The following SREBF2 variants were observed in gnomAD, a reference collection of about 807,000 sequenced individuals.
SREBF2 encodes sterol regulatory element binding transcription factor 2, also known as sterol regulatory element-binding protein 2.
SREBF2 carries 55 observed loss-of-function variants against 113.1 expected under a neutral mutation model. That is an observed-to-expected ratio of 0.49 (90% confidence interval 0.39 to 0.61). The LOEUF (loss-of-function observed/expected upper bound fraction) is 0.61. Ranked by LOEUF, SREBF2 falls within the 20% of genes least tolerant of loss-of-function variation. The probability of loss-of-function intolerance (pLI) is 0.00; values close to 1 mark genes in which losing one functional copy is unlikely to be tolerated. For synonymous variants in SREBF2, 593 were observed against 605.7 expected, an observed-to-expected ratio of 0.98 and a Z score of 0.31; for missense variants, 1,349 against 1,487.4, an observed-to-expected ratio of 0.91 and a Z score of 1.53.
chr22:41,888,127 G>A (rs2077316589), intron 11 of SREBF2, among the ~76,000 whole-genome samples: 1 of 152,202 alleles, frequency 6.6e-6, no homozygotes, highest in African/African-American at 2.4e-5. Flanking sequence ...GAGAGCACAA[G>A]CTCTTAATTT....
At chr22:41,881,122 C>T (rs2077241730) in intron 10 of SREBF2, 130 bp downstream of exon 10, 2 of 1,243,674 alleles carry the variant, frequency 1.6e-6, no homozygotes, top group Non-Finnish European at 2.2e-6. Flanking sequence ...AGTGGCTAGA[C>T]CAAGCTTCTA....
chr22:41,833,145 G>A lies in SREBF2; in HGVS notation c.-126G>A, dbSNP rs1402321861. ...CCGGGCGCAACGCAAACATGGCGGC[G>A]GGTGGCACCCGTCGGTGAGGCGGTG... On this transcript the variant is annotated 5_prime_UTR_variant, in exon 1 of 19. Coordinates refer to ENST00000361204, the MANE Select transcript of SREBF2 (RefSeq NM_004599.4). The surrounding 1 kb of genome is among the most constrained non-coding windows in gnomAD (Gnocchi z 4.1). 3 of 656,840 alleles carry A rather than the reference G, an allele frequency of 4.6e-6. No individual in the cohort carries two copies. Among genetic ancestry groups the A allele is most frequent in the Non-Finnish European group, 7.0e-6 (3 of 428,850 alleles). 40.7% of individuals were successfully genotyped at this position (656,840 alleles called of 1,614,324 possible). A position where few individuals can be genotyped will look rare whatever the true frequency, so the allele number is the denominator to read the frequency against.
intron 2 of SREBF2, among the ~76,000 whole-genome samples, chr22:41,868,367 C>T (rs1378500814): frequency 6.6e-6 from 1 of 152,166 alleles, no homozygotes; most frequent in African/African-American, 2.4e-5. Context: ...ATTAGCTTCC[C>T]TTTCCCCCAC....
chr22:41,842,457 G>A (rs2076839131), intron 1 of SREBF2, among the ~76,000 whole-genome samples: 1 of 152,122 alleles, frequency 6.6e-6, no homozygotes, highest in African/African-American at 2.4e-5. Flanking sequence ...TTTCACTGCT[G>A]CATGGTTTTC....
chr22:41,867,424 A>G (rs1236121475), intron 2 of SREBF2, 144 bp downstream of exon 2: 2 of 862,600 alleles, frequency 2.3e-6, no homozygotes, highest in Non-Finnish European at 3.8e-6. Flanking sequence ...GGTAACTGGC[A>G]ATAAGAACTG....
chr22:41,896,490 G>C (rs980196754), intron 13 of SREBF2, among the ~76,000 whole-genome samples: 1 of 152,148 alleles, frequency 6.6e-6, no homozygotes, highest in Non-Finnish European at 1.5e-5. Context: ...CTCCCAAGTA[G>C]CTGGAATTAC....
chr22:41,848,704 G>A (rs748281927), intron 1 of SREBF2, among the ~76,000 whole-genome samples: 1 of 152,160 alleles, frequency 6.6e-6, no homozygotes, highest in East Asian at 1.9e-4. Context: ...AGAGGAAGGA[G>A]TAAGGCTCCT....
chr22:41,868,662 T>TC lies in SREBF2; in HGVS notation c.591dup (p.Thr198HisfsTer117). ...GTGACATCCTCCCAGGTACAGCCGGTCACCATTCAGCAGCAGGTGCAGACA... is the reference window on the plus strand; with the variant it reads ...GTGACATCCTCCCAGGTACAGCCGGTCCACCATTCAGCAGCAGGTGCAGACA... On this transcript the variant is annotated frameshift_variant, in exon 3 of 19. Transcript: ENST00000361204. LOFTEE classifies it high-confidence loss of function. 6.2e-7 allele frequency: 1 copy of TC among 1,614,198 alleles called. No homozygotes were observed. The highest frequency in any genetic ancestry group is 8.5e-7 in the Non-Finnish European group (1 of 1,180,032).
intron 13 of SREBF2, 127 bp from the exon 14 acceptor site, chr22:41,896,925 C>G: frequency 1.4e-6 from 1 of 692,218 alleles, no homozygotes; most frequent in Non-Finnish European, 2.6e-6. Flanking sequence ...TTGCGTGTGC[C>G]TGGGATGACA....
At chr22:41,880,350 G>A (rs1368918173) in intron 9 of SREBF2, among the ~76,000 whole-genome samples, 3 of 143,006 alleles carry the variant, frequency 2.1e-5, no homozygotes, top group East Asian at 2.0e-4. Context: ...TCAGGAGTTC[G>A]AGACCAGCCT....
In SREBF2 at chr22:41,833,431, C is replaced by G. The variant is rs2076732900; in HGVS notation, c.88+73C>G. 2 of 1,343,694 alleles carry G rather than the reference C, an allele frequency of 1.5e-6. No individual in the cohort carries two copies. Among genetic ancestry groups the G allele is most frequent in the Non-Finnish European group, 2.0e-6 (2 of 980,604 alleles). The allele number at this position is 1,343,694 out of a possible 1,614,324, so 83.2% of individuals were successfully genotyped here. A position where few individuals can be genotyped will look rare whatever the true frequency, so the allele number is the denominator to read the frequency against. On this transcript the variant is annotated intron_variant, in intron 1 of 18. Transcript: ENST00000361204. The surrounding 1 kb of genome is among the most constrained non-coding windows in gnomAD (Gnocchi z 4.1). ...GGTTACGGCGGCGCGCCCGGGTGCG[C>G]GTGCGCCCACCCCCCGACAGCCCCG...
intron 1 of SREBF2, among the ~76,000 whole-genome samples, chr22:41,858,715 C>G (rs2076998698): frequency 6.6e-6 from 1 of 152,112 alleles, no homozygotes; most frequent in South Asian, 2.1e-4. Flanking sequence ...TCACTGCACT[C>G]CAGCCTGGGT....
chr22:41,904,851 G>A lies in SREBF2; in HGVS notation c.3094-12G>A, dbSNP rs1448900087. On this transcript the variant is annotated splice_polypyrimidine_tract_variant and intron_variant, in intron 17 of 18. Coordinates refer to ENST00000361204, the MANE Select transcript of SREBF2 (RefSeq NM_004599.4). ...CAGGGGTGTGATGGATGTCACCCCG[G>A]CACCTCCCCAGGTGTTCCTGCATGA... 1.3e-6 allele frequency: 2 copies of A among 1,573,688 alleles called. No individual in the cohort carries two copies. The highest frequency in any genetic ancestry group is 8.6e-7 in the Non-Finnish European group (1 of 1,160,532).
chr22:41,877,443 C>G (rs1418220794), intron 8 of SREBF2, 22 bp downstream of exon 8: 4 of 1,612,920 alleles, frequency 2.5e-6, no homozygotes, highest in South Asian at 1.1e-5. Flanking sequence ...CCCCTTGCCC[C>G]ACCTGGGCAT....
chr22:41,903,265 A>C (rs2077480327), intron 17 of SREBF2, 110 bp downstream of exon 17: 2 of 1,357,214 alleles, frequency 1.5e-6, no homozygotes. Context: ...CTCTGAGGTC[A>C]GCCTGGTGAC....
intron 5 of SREBF2, 45 bp from the exon 6 acceptor site, chr22:41,875,292 A>T: frequency 6.6e-7 from 1 of 1,525,966 alleles, no homozygotes. Context: ...TTCACACTGT[A>T]GCCTGCACTG....
At chr22:41,876,462 G>T (rs889710107) in intron 7 of SREBF2, among the ~76,000 whole-genome samples, 1 of 152,190 alleles carries the variant, frequency 6.6e-6, no homozygotes. Flanking sequence ...CATATAAATT[G>T]AATTAGCTGG....
intron 15 of SREBF2, chr22:41,899,096 C>A: frequency 1.5e-6 from 1 of 685,426 alleles, no homozygotes; most frequent in Non-Finnish European, 2.1e-6. Flanking sequence ...GTGTGGCCCC[C>A]AGCATCTTCA....
intron 1 of SREBF2, among the ~76,000 whole-genome samples, chr22:41,858,558 C>A (rs1488909682): frequency 6.6e-6 from 1 of 152,044 alleles, no homozygotes; most frequent in African/African-American, 2.4e-5. Flanking sequence ...GCCTGGGCAA[C>A]AAAGCAAGAC....
Sources: gnomAD v4.1 joint callset for allele counts (sites outside exome capture counted in the v4.1 genomes callset) on GRCh38, gnomAD v4.1.1 for gene constraint, Gnocchi (gnomAD v3.1) non-coding constraint, MANE v1.5 for transcripts, NCBI Gene and HGNC (gene_info 2026-07-23, HGNC 2026-07-21) for gene names.